TENM3: variants seen among roughly 807,000 people sequenced by gnomAD.
TENM3 encodes teneurin transmembrane protein 3, also known as teneurin-3.
TENM3 carries 63 observed loss-of-function variants against 255.1 expected under a neutral mutation model. That is an observed-to-expected ratio of 0.25 (90% confidence interval 0.20 to 0.30). The LOEUF is 0.30. Among genes scored for constraint, TENM3 ranks in the 10% least tolerant of loss-of-function variants. The pLI is 1.00. For missense variants in TENM3, 2,929 were observed against 3,461.1 expected, an observed-to-expected ratio of 0.85 and a Z score of 3.86; for synonymous variants, 1,306 against 1,322.3, an observed-to-expected ratio of 0.99 and a Z score of 0.27.
At chr4:181,452,382 G>A in the TENM3 span, among the ~76,000 whole-genome samples, 15,860 of 152,064 alleles carry the variant, frequency 0.1, 875 homozygotes, top group Middle Eastern at 0.2. Context: ...TAATCCCCTC[G>A]TGTTGTGAAA....
intron 3 of TENM3, among the ~76,000 whole-genome samples, chr4:182,586,375 G>C (rs1385182126): frequency 6.6e-6 from 1 of 152,130 alleles, no homozygotes; most frequent in African/African-American, 2.4e-5. Context: ...ATCTTACTTC[G>C]ATGTTGGCCC....
chr4:182,209,780 C>T (rs372521134), intron 1 of TENM3, among the ~76,000 whole-genome samples: 2 of 151,924 alleles, frequency 1.3e-5, no homozygotes, highest in Non-Finnish European at 2.9e-5. Flanking sequence ...TGAAGGTGCA[C>T]GAACATAGCA....
the TENM3 span, among the ~76,000 whole-genome samples, chr4:181,546,137 C>T: frequency 6.6e-6 from 1 of 152,144 alleles, no homozygotes; most frequent in Non-Finnish European, 1.5e-5. Flanking sequence ...TTTTTTTAGA[C>T]CATGATAGTG....
chr4:181,536,907 C>T, the TENM3 span, among the ~76,000 whole-genome samples: 6 of 152,002 alleles, frequency 3.9e-5, no homozygotes, highest in Admixed American at 1.3e-4. Flanking sequence ...AGGAAGGGAC[C>T]CTGGTGAACT....
intron 3 of TENM3, among the ~76,000 whole-genome samples, chr4:182,387,774 C>T (rs968061373): frequency 6.6e-6 from 1 of 151,720 alleles, no homozygotes; most frequent in Non-Finnish European, 1.5e-5. Flanking sequence ...GGAAAAAACT[C>T]CGAACACATC....
At chr4:182,392,806 G>A (rs1380555157) in intron 3 of TENM3, among the ~76,000 whole-genome samples, 1 of 152,178 alleles carries the variant, frequency 6.6e-6, no homozygotes, top group East Asian at 1.9e-4. Flanking sequence ...AGGTTGCAAC[G>A]GTGAGTGAGG....
chr4:182,008,037 G>A, the TENM3 span, among the ~76,000 whole-genome samples: 1 of 152,172 alleles, frequency 6.6e-6, no homozygotes, highest in Non-Finnish European at 1.5e-5. Flanking sequence ...CTTTAAGAAT[G>A]TTGAATATTG....
the TENM3 span, among the ~76,000 whole-genome samples, chr4:181,560,508 C>T: frequency 6.6e-6 from 1 of 152,142 alleles, no homozygotes; most frequent in African/African-American, 2.4e-5. Flanking sequence ...ATCAATTCCT[C>T]CTTCATATGT....
At chr4:181,465,926 A>G in the TENM3 span, among the ~76,000 whole-genome samples, 1 of 152,058 alleles carries the variant, frequency 6.6e-6, no homozygotes, top group Non-Finnish European at 1.5e-5. Context: ...CTTGGGAAAT[A>G]ACCTTTTCCC....
At chr4:181,967,175 A>G in the TENM3 span, among the ~76,000 whole-genome samples, 5 of 151,874 alleles carry the variant, frequency 3.3e-5, no homozygotes, top group African/African-American at 1.2e-4. Flanking sequence ...GTGCAAAGAC[A>G]ATGCTTTTCC....
intron 13 of TENM3, among the ~76,000 whole-genome samples, chr4:182,722,023 A>G (rs1759776997): frequency 6.6e-6 from 1 of 152,020 alleles, no homozygotes; most frequent in South Asian, 2.1e-4. Flanking sequence ...TTTGTAATTT[A>G]TGGTGCATGC....
At chr4:182,036,198 AT>A in the TENM3 span, among the ~76,000 whole-genome samples, 21 of 149,646 alleles carry the variant, frequency 1.4e-4, no homozygotes, top group East Asian at 7.8e-4. Flanking sequence ...TGATAATCTG[AT>A]TTTTTTTTTC....
chr4:182,128,991 A>C, the TENM3 span, among the ~76,000 whole-genome samples: 1 of 152,210 alleles, frequency 6.6e-6, no homozygotes, highest in Non-Finnish European at 1.5e-5. Flanking sequence ...TTCCAAAAAA[A>C]TTTAAAGCAG....
the TENM3 span, among the ~76,000 whole-genome samples, chr4:181,479,137 G>A: frequency 1.3e-5 from 2 of 152,114 alleles, no homozygotes; most frequent in African/African-American, 4.8e-5. Context: ...AATGATTGAG[G>A]AAAATATTCC....
intron 3 of TENM3, among the ~76,000 whole-genome samples, chr4:182,486,083 G>A (rs1734676205): frequency 1.3e-5 from 2 of 152,022 alleles, no homozygotes; most frequent in South Asian, 4.2e-4. Flanking sequence ...CAGTGTCAGG[G>A]AGCTGCACAT....
chr4:181,571,348 A>T, the TENM3 span, among the ~76,000 whole-genome samples: 1 of 152,040 alleles, frequency 6.6e-6, no homozygotes, highest in Non-Finnish European at 1.5e-5. Context: ...TCTTATATAT[A>T]TTTTTAAAGA....
chr4:182,107,589 A>G, the TENM3 span, among the ~76,000 whole-genome samples: 3 of 152,212 alleles, frequency 2.0e-5, no homozygotes, highest in Non-Finnish European at 4.4e-5. Flanking sequence ...GCCCTCTTGG[A>G]GTCACAGAGC....
chr4:182,111,283 G>A, the TENM3 span, among the ~76,000 whole-genome samples: 1 of 144,210 alleles, frequency 6.9e-6, no homozygotes, highest in African/African-American at 2.6e-5. Context: ...TATTGTTCAG[G>A]CATTAATGCC....
chr4:182,532,406 A>G (rs575204201), intron 3 of TENM3, among the ~76,000 whole-genome samples: 17 of 152,290 alleles, frequency 1.1e-4, no homozygotes, highest in Middle Eastern at 3.4e-3. Flanking sequence ...GAGTTGTTTT[A>G]TTATTGTCTT....
Sources: gnomAD v4.1 joint callset for allele counts (sites outside exome capture counted in the v4.1 genomes callset) on GRCh38, gnomAD v4.1.1 for gene constraint, MANE v1.5 for transcripts, NCBI Gene and HGNC (gene_info 2026-07-23, HGNC 2026-07-21) for gene names.